Variants in MCCC1 observed in about 807,000 individuals in gnomAD.
MCCC1 encodes methylcrotonoyl-CoA carboxylase subunit alpha, mitochondrial.
MCCC1 carries 64 observed loss-of-function variants against 83.8 expected under a neutral mutation model. That is an observed-to-expected ratio of 0.76 (90% CI 0.62 to 0.94). The LOEUF (loss-of-function observed/expected upper bound fraction) is 0.94. Among genes scored for constraint, MCCC1 ranks in the 40% least tolerant of loss-of-function variants. The probability of loss-of-function intolerance (pLI) is 0.00; values close to 1 mark genes in which losing one functional copy is unlikely to be tolerated. For missense variants in MCCC1, 807 were observed against 904.7 expected (o/e 0.89, Z 1.39); for synonymous variants, 322 against 315.4 (o/e 1.02, Z -0.22).
At chr3:183,106,343 T>A (rs1719403267) in intron 1 of MCCC1, among the ~76,000 whole-genome samples, 3 of 152,180 alleles carry the variant, frequency 2.0e-5, no homozygotes, top group Admixed American at 2.0e-4. Context: ...TTATAGAGCC[T>A]CTCTCTGTTC....
rs750796104 is a variant in MCCC1 at position 183,071,194 on chromosome 3, G to C, written c.639+16C>G. The C allele has an allele frequency of 5.4e-5, 87 of 1,613,992 alleles. 1 individual carries two copies. The South Asian group carries it at 9.0e-4, about 17-fold the overall frequency. On this transcript the variant is annotated intron_variant, in intron 6 of 18. Transcript: ENST00000265594. ...GACAAGCCTGAATTGGCAAACACAAGCATGCACAATCTTACTTTTCCTCCT... is the reference window on the plus strand; with the variant it reads ...GACAAGCCTGAATTGGCAAACACAACCATGCACAATCTTACTTTTCCTCCT...
chr3:183,024,053 C>A (rs537346043), intron 15 of MCCC1, among the ~76,000 whole-genome samples: 3 of 152,094 alleles, frequency 2.0e-5, no homozygotes, highest in Non-Finnish European at 4.4e-5. Context: ...GAGTTCGAGG[C>A]CAGCCTGACC....
intron 17 of MCCC1, chr3:183,017,540 C>T (rs1711753390): frequency 5.2e-6 from 3 of 578,844 alleles, no homozygotes; most frequent in Non-Finnish European, 9.1e-6. Flanking sequence ...GGTATATAAA[C>T]TTACAGAGCA....
intron 7 of MCCC1, among the ~76,000 whole-genome samples, chr3:183,067,711 T>G (rs1362712562): frequency 1.3e-5 from 2 of 152,208 alleles, no homozygotes; most frequent in African/African-American, 4.8e-5. Context: ...ATCCTGGGCA[T>G]GTATTGGAAT....
intron 7 of MCCC1, among the ~76,000 whole-genome samples, chr3:183,063,923 C>G (rs138202370): frequency 6.6e-6 from 1 of 152,266 alleles, no homozygotes; most frequent in East Asian, 1.9e-4. Context: ...GATTGGGTTA[C>G]AGGCCCAACT....
intron 8 of MCCC1, among the ~76,000 whole-genome samples, chr3:183,056,675 A>G (rs1429248182): frequency 6.6e-6 from 1 of 152,170 alleles, no homozygotes; most frequent in Non-Finnish European, 1.5e-5. Context: ...CCAGTAATTA[A>G]TTCTAGTTCA....
At chr3:183,071,529 A>G (rs947356353) in intron 5 of MCCC1, among the ~76,000 whole-genome samples, 172 bp from the exon 6 acceptor site, 1 of 152,208 alleles carries the variant, frequency 6.6e-6, no homozygotes, top group African/African-American at 2.4e-5. Context: ...AGTTTCCCTC[A>G]TTTCATGTGG....
intron 4 of MCCC1, among the ~76,000 whole-genome samples, chr3:183,078,475 C>T (rs1436818552): frequency 1.3e-5 from 2 of 152,148 alleles, no homozygotes; most frequent in Non-Finnish European, 2.9e-5. Flanking sequence ...ATAAAGACTG[C>T]ATTAAATATA....
intron 4 of MCCC1, among the ~76,000 whole-genome samples, chr3:183,086,298 G>C (rs1242151814): frequency 2.6e-5 from 4 of 152,104 alleles, no homozygotes; most frequent in Non-Finnish European, 5.9e-5. Context: ...AGTTCCCTAC[G>C]TGGCCCTAGA....
intron 11 of MCCC1, among the ~76,000 whole-genome samples, chr3:183,039,953 G>A (rs371959411): frequency 7.4e-4 from 113 of 151,828 alleles, no homozygotes; most frequent in African/African-American, 2.6e-3. Context: ...AAAATTAGCC[G>A]GGCGTGGTGG....
upstream of MCCC1, among the ~76,000 whole-genome samples, chr3:183,104,004 T>A (rs562878963): frequency 2.6e-5 from 4 of 152,120 alleles, no homozygotes; most frequent in Non-Finnish European, 5.9e-5. Flanking sequence ...AAGCCCCTCA[T>A]TGCCCCGGGC....
chr3:183,052,189 C>T lies in MCCC1; in HGVS notation c.925G>A (p.Ala309Thr), dbSNP rs1715029507. The change falls in exon 9 of 19, where the codon GCT becomes ACT. Residue 309 changes from alanine (A) to threonine (T), a missense_variant. Physicochemically the swap from Ala to Thr is moderately conservative, Grantham distance 58. Transcript: ENST00000265594. ...RKKLGEAAVR[A>T]AKAVNYVGAG... ...CCAACATAATTTACAGCTTTAGCAGCTCTGACTGCAGCTTCTCCCAGCTTT... is the reference window on the plus strand; with the variant it reads ...CCAACATAATTTACAGCTTTAGCAGTTCTGACTGCAGCTTCTCCCAGCTTT... 2 of 1,614,124 alleles carry T rather than the reference C, an allele frequency of 1.2e-6. No individual in the cohort carries two copies. The highest frequency in any genetic ancestry group is 1.1e-5 in the South Asian group (1 of 91,088).
In MCCC1 at chr3:183,071,318, A is replaced by T. The variant is rs1252362510; in HGVS notation, c.531T>A (p.Val177=). ...KSIMAAAGVP[V]VEGYHGEDQS... ...GGTCCTCACCATGATAACCCTCCAC[A>T]ACAGGTACTCCAGCAGCAGCCATTA... The change falls in exon 6 of 19, where the codon GTT becomes GTA. Residue 177 remains valine (V), a synonymous_variant. Coordinates refer to ENST00000265594, the MANE Select transcript of MCCC1 (RefSeq NM_020166.5). 6.2e-7 allele frequency: 1 copy of T among 1,614,208 alleles called. No homozygotes were observed. Among genetic ancestry groups the T allele is most frequent in the Non-Finnish European group, 8.5e-7 (1 of 1,180,034 alleles).
intron 13 of MCCC1, 41 bp downstream of exon 13, chr3:183,037,177 C>T (rs1713680704): frequency 6.3e-7 from 1 of 1,599,148 alleles, no homozygotes; most frequent in South Asian, 1.1e-5. Context: ...TGATGATTTG[C>T]AAAACTTGAC....
intron 1 of MCCC1, among the ~76,000 whole-genome samples, chr3:183,107,534 T>TTATTATTATTTG (rs1338239047): frequency 6.6e-5 from 10 of 151,208 alleles, no homozygotes; most frequent in African/African-American, 2.4e-4. Flanking sequence ...ATTATTATTA[T>TTATTATTATTTG]TTGTTGTTGT....
In MCCC1 at chr3:183,092,489, T is replaced by A. The variant is rs1718436080; in HGVS notation, c.193A>T (p.Met65Leu). The A allele has an allele frequency of 3.1e-6, 5 of 1,614,224 alleles. No individual in the cohort carries two copies. Among genetic ancestry groups the A allele is most frequent in the Non-Finnish European group, 4.2e-6 (5 of 1,180,044 alleles). The change falls in exon 3 of 19, where the codon ATG becomes TTG. Residue 65 changes from methionine (M) to leucine (L), a missense_variant. Physicochemically the swap from Met to Leu is conservative, Grantham distance 15. Coordinates refer to ENST00000265594, the MANE Select transcript of MCCC1 (RefSeq NM_020166.5). ...ANRGEIACRV[M>L]RTAKKLGVQT... Reference sequence around the variant, plus strand: ...ACACCCAGTTTTTTGGCTGTGCGCATCACCCTGCAGGCAATTTCTCCTCTG... The same window carrying A: ...ACACCCAGTTTTTTGGCTGTGCGCAACACCCTGCAGGCAATTTCTCCTCTG...
At chr3:183,050,750 G>C (rs924465955) in intron 9 of MCCC1, among the ~76,000 whole-genome samples, 1 of 144,832 alleles carries the variant, frequency 6.9e-6, no homozygotes, top group African/African-American at 2.5e-5. Flanking sequence ...GAGAAGTGAA[G>C]ACAAGCCTCA....
At chr3:183,106,807 T>C (rs189754296) in intron 1 of MCCC1, among the ~76,000 whole-genome samples, 61 of 152,200 alleles carry the variant, frequency 4.0e-4, no homozygotes, top group African/African-American at 1.4e-3. Context: ...CAAATGTTTC[T>C]ATTTTATCGC....
At chr3:183,083,752 T>C (rs954378447) in intron 4 of MCCC1, among the ~76,000 whole-genome samples, 1 of 152,180 alleles carries the variant, frequency 6.6e-6, no homozygotes, top group African/African-American at 2.4e-5. Context: ...TTTTCAATTC[T>C]TCAGGAGGCA....
Sources: allele counts gnomAD v4.1 joint callset (sites outside exome capture counted in the v4.1 genomes callset), GRCh38; gene constraint gnomAD v4.1.1; transcripts MANE v1.5; gene names NCBI Gene and HGNC (gene_info 2026-07-23, HGNC 2026-07-21).